Variants in CLDN14 observed in about 807,000 individuals in gnomAD.
CLDN14 encodes claudin-14.
In CLDN14, 2 loss-of-function variants were observed where a neutral mutation model predicts 2.1. That is an observed-to-expected ratio of 0.96 (90% confidence interval 0.39 to 3.01). CLDN14 has a LOEUF of 3.01. CLDN14 is among the 30% of genes most tolerant of loss of function. The pLI is 0.09. For missense variants in CLDN14, 298 were observed against 328.0 expected (o/e 0.91, Z 0.71); for synonymous variants, 136 against 154.4 (o/e 0.88, Z 0.88).
intron 1 of CLDN14, among the ~76,000 whole-genome samples, chr21:36,548,594 A>C (rs1375990762): frequency 6.6e-6 from 1 of 152,146 alleles, no homozygotes; most frequent in East Asian, 1.9e-4. Flanking sequence ...GGTGGAGACC[A>C]AGTCTGTGGC....
At chr21:36,563,418 A>T (rs1338943594) in intron 1 of CLDN14, among the ~76,000 whole-genome samples, 1 of 152,188 alleles carries the variant, frequency 6.6e-6, no homozygotes, top group Non-Finnish European at 1.5e-5. Context: ...GAAAAAAAAA[A>T]AGCAGGGCTT....
At chr21:36,568,820 C>T (rs1010123659) in intron 1 of CLDN14, among the ~76,000 whole-genome samples, 2 of 152,234 alleles carry the variant, frequency 1.3e-5, no homozygotes, top group East Asian at 1.9e-4. Context: ...ACAGTTCAGA[C>T]TGGGGCTGTC....
Position 36,536,778 on chromosome 21 carries a change from A to G in CLDN14, c.-219-26278T>C, listed in dbSNP as rs140317282. The stretch of plus-strand genomic sequence containing the variant: ...TTCTCTTTTATTATAAACTGCCTCA[A>G]ATTCTTTTTAGGAGTAGATAAGATG... On this transcript the variant is annotated intron_variant, in intron 1 of 2. Coordinates refer to the CLDN14 transcript ENST00000342108. Among the ~76,000 whole-genome samples, 271 of 152,302 alleles carry G rather than the reference A, an allele frequency of 1.8e-3. 1 individual carries two copies. Among genetic ancestry groups the G allele is most frequent in the African/African-American group, 6.0e-3 (248 of 41,556 alleles).
rs200329979 is a variant in CLDN14, at chr21:36,468,674, CAG to C, written c.-81-6900_-81-6899del. ...GACATATTAGCAAAACTACCTAACA[CAG>C]AGAAAAGAAAGTAACTCTTACGCTA... is the stretch of plus-strand genomic sequence containing the variant. On this transcript the variant is annotated intron_variant, in intron 1 of 1. Transcript: ENST00000399135. 5.1e-3 allele frequency among the ~76,000 whole-genome samples: 784 copies of C among 152,234 alleles called. 4 individuals carry two copies. Among genetic ancestry groups the C allele is most frequent in the African/African-American group, 0.016 (681 of 41,540 alleles).
In CLDN14 at chr21:36,472,295, C is replaced by A. The variant is rs573449987; in HGVS notation, c.-82+7200G>T. On this transcript the variant is annotated intron_variant, in intron 1 of 1. Coordinates refer to ENST00000399135, the MANE Select transcript of CLDN14 (RefSeq NM_001146079.2). ...AGTTTCTATATTCAGGTGAGGCTAG[C>A]GGGATGTGCTGATGGTTTAGCTGCG... is the stretch of plus-strand genomic sequence containing the variant. Among the ~76,000 whole-genome samples the A allele has an allele frequency of 5.9e-5, 9 of 152,134 alleles. No homozygotes were observed. The South Asian group carries it at 1.9e-3, about 32-fold the overall frequency.
intron 1 of CLDN14, among the ~76,000 whole-genome samples, chr21:36,537,539 C>T (rs4817806): frequency 0.49 from 74,518 of 151,910 alleles, 19,922 homozygotes; most frequent in Middle Eastern, 0.62. Context: ...ATAATGGTGT[C>T]GCAGATACAT....
chr21:36,502,239 T>C (rs1168742841), intron 2 of CLDN14, among the ~76,000 whole-genome samples: 2 of 152,244 alleles, frequency 1.3e-5, no homozygotes, highest in African/African-American at 4.8e-5. Context: ...TTTAATAACT[T>C]GTCCAACATT....
chr21:36,481,270 G>A (rs2086842550), upstream of CLDN14, among the ~76,000 whole-genome samples: 1 of 152,132 alleles, frequency 6.6e-6, no homozygotes, highest in Non-Finnish European at 1.5e-5. Context: ...AGTTACACAG[G>A]CTGAAATGAA....
Position 36,462,232 on chromosome 21 carries a change from C to T in CLDN14, c.-81-456G>A, listed in dbSNP as rs970332211. Among the ~76,000 whole-genome samples, 3 of 152,236 alleles carry T rather than the reference C, an allele frequency of 2.0e-5. No homozygotes were observed. The South Asian group carries it at 6.2e-4, about 32-fold the overall frequency. ...GGGGTTTTCTGAAGTAGGCAACTTC[C>T]CCACCCACGTGCTCGGGCAGGGAGA... On this transcript the variant is annotated intron_variant, in intron 1 of 1. Transcript: ENST00000399135.
chr21:36,524,770 C>T (rs2087310377), intron 1 of CLDN14, among the ~76,000 whole-genome samples: 2 of 152,190 alleles, frequency 1.3e-5, no homozygotes, highest in African/African-American at 4.8e-5. Context: ...GGAAACTGGA[C>T]CCATGTGGAG....
intron 1 of CLDN14, among the ~76,000 whole-genome samples, 161 bp downstream of exon 1, chr21:36,479,334 G>C (rs2086816697): frequency 6.6e-6 from 1 of 152,122 alleles, no homozygotes; most frequent in Non-Finnish European, 1.5e-5. Context: ...CCAGCCTGCA[G>C]CTTCCTTTCC....
chr21:36,522,582 AT>A (rs1444472348), intron 1 of CLDN14, among the ~76,000 whole-genome samples: 5 of 152,222 alleles, frequency 3.3e-5, no homozygotes, highest in Non-Finnish European at 5.9e-5. Context: ...CCTGTGATAT[AT>A]GGCGCCTTCC....
At chr21:36,517,349 A>T (rs1432414043) in intron 1 of CLDN14, among the ~76,000 whole-genome samples, 2 of 152,126 alleles carry the variant, frequency 1.3e-5, no homozygotes, top group East Asian at 3.8e-4. Context: ...AAAGCCTAAA[A>T]CATTTATTGT....
At chr21:36,567,936 G>C (rs1246020093) in intron 1 of CLDN14, among the ~76,000 whole-genome samples, 2 of 152,082 alleles carry the variant, frequency 1.3e-5, no homozygotes, top group East Asian at 3.8e-4. Flanking sequence ...TACTATATGA[G>C]ATTCACAAAT....
rs2845781 is a variant in CLDN14, at chr21:36,549,278, T to A, written c.-220+27133A>T. ...CTTCATGTGTGCATTACACACACAC[T>A]CTCTCTCTCTCTCTCTCTCCTCCCC... On this transcript the variant is annotated intron_variant, in intron 1 of 2. Coordinates refer to the CLDN14 transcript ENST00000342108. Among the ~76,000 whole-genome samples, 336 of 75,496 alleles carry A rather than the reference T, an allele frequency of 4.5e-3. 1 individual carries two copies. The highest frequency in any genetic ancestry group is 0.012 in the South Asian group (26 of 2,116). 49.5% of individuals were successfully genotyped at this position (75,496 alleles called of 152,430 possible).
chr21:36,515,820 T>C (rs1371922288), intron 1 of CLDN14, among the ~76,000 whole-genome samples: 1 of 107,604 alleles, frequency 9.3e-6, no homozygotes, highest in Admixed American at 1.2e-4. Flanking sequence ...AGAGTCTCAC[T>C]CTGTCACCCA....
intron 1 of CLDN14, among the ~76,000 whole-genome samples, chr21:36,527,213 G>A (rs1047035523): frequency 7.2e-5 from 11 of 152,160 alleles, no homozygotes; most frequent in African/African-American, 2.4e-4. Context: ...AATATTACAC[G>A]TAGAATAATG....
intron 2 of CLDN14, among the ~76,000 whole-genome samples, chr21:36,508,471 T>G (rs57807040): frequency 0.047 from 7,095 of 152,088 alleles, 548 homozygotes; most frequent in African/African-American, 0.16. Context: ...AAAACAGCAT[T>G]AGGGTAGGAA....
intron 1 of CLDN14, chr21:36,526,650 T>A (rs1238696363): frequency 6.6e-6 from 1 of 152,192 alleles, no homozygotes; most frequent in Non-Finnish European, 1.5e-5. Context: ...CAGCAATTTT[T>A]AAAAATGGAG....
Sources: gnomAD v4.1 joint callset for allele counts (sites outside exome capture counted in the v4.1 genomes callset) on GRCh38, gnomAD v4.1.1 for gene constraint, MANE v1.5 for transcripts, NCBI Gene and HGNC (gene_info 2026-07-23, HGNC 2026-07-21) for gene names.